Variants in FBP1 observed in about 807,000 individuals in gnomAD.
FBP1 encodes the protein fructose-1,6-bisphosphatase 1.
Under a neutral mutation model 29.9 loss-of-function variants are expected in FBP1, and 22 were observed. The ratio of observed to expected loss-of-function variants is 0.74; its 90% confidence interval spans 0.53 to 1.05. FBP1 has a LOEUF of 1.05. Ranked by LOEUF, FBP1 falls within the 50% of genes least tolerant of loss-of-function variation. The pLI, the probability that FBP1 is intolerant of heterozygous loss-of-function variation, is 0.00. For synonymous variants in FBP1, 175 were observed against 178.6 expected (o/e 0.98, Z 0.16); for missense variants, 345 against 448.2 (o/e 0.77, Z 2.08).
chr9:94,607,045 G>A (rs1329087621), intron 4 of FBP1, 93 bp from the exon 5 acceptor site: 2 of 1,561,932 alleles, frequency 1.3e-6, no homozygotes, highest in African/African-American at 2.7e-5. Context: ...GCTACGCTGG[G>A]CTGGGGTCGC....
intron 3 of FBP1, among the ~76,000 whole-genome samples, chr9:94,617,203 C>T (rs899588960): frequency 2.0e-5 from 3 of 152,148 alleles, no homozygotes; most frequent in African/African-American, 7.2e-5. Context: ...ATGAATGTGA[C>T]CAAATGCCAA....
chr9:94,603,358 C>T lies in FBP1; in HGVS notation c.*23G>A, dbSNP rs1827638463. 6.2e-7 allele frequency: 1 copy of T among 1,606,182 alleles called. No homozygotes were observed. The highest frequency in any genetic ancestry group is 1.3e-5 in the African/African-American group (1 of 74,828). Reference sequence around the variant, plus strand: ...AAAAGGTCCAGGTAGAGGCAATTCTCCGGATGCAGGCAGGGCAGGTGCTCA... The same window carrying T: ...AAAAGGTCCAGGTAGAGGCAATTCTTCGGATGCAGGCAGGGCAGGTGCTCA... On this transcript the variant is annotated 3_prime_UTR_variant, in exon 7 of 7. Transcript: ENST00000375326.
upstream of FBP1, chr9:94,640,133 G>A (rs1828263850): frequency 6.6e-6 from 1 of 152,228 alleles, no homozygotes; most frequent in Non-Finnish European, 1.5e-5. Flanking sequence ...GAATTTCCAA[G>A]ATGTGAGTCT....
At chr9:94,630,332 C>G (rs1041357371) in intron 1 of FBP1, among the ~76,000 whole-genome samples, 2 of 152,194 alleles carry the variant, frequency 1.3e-5, no homozygotes, top group African/African-American at 4.8e-5. Context: ...ACTCCCAACT[C>G]CTGAAAAAAA....
chr9:94,621,083 G>A (rs1030207283), intron 1 of FBP1, among the ~76,000 whole-genome samples: 1 of 151,870 alleles, frequency 6.6e-6, no homozygotes, highest in African/African-American at 2.4e-5. Context: ...GTGTGGTGGT[G>A]GGTGCCTGTA....
rs28369740 is a variant in FBP1 at position 94,608,933 on chromosome 9, G to A, written c.567+988C>T. Among the ~76,000 whole-genome samples the A allele has an allele frequency of 2.9e-3, 442 of 152,292 alleles. 3 individuals carry two copies. The highest frequency in any genetic ancestry group is 0.01 in the African/African-American group (425 of 41,562). Reference sequence around the variant, plus strand: ...TTAAAAAAGTTGGCCAGGCATGGTGGCTCATGCCTGTAATCCCAGCACTTT... The same window carrying A: ...TTAAAAAAGTTGGCCAGGCATGGTGACTCATGCCTGTAATCCCAGCACTTT... On this transcript the variant is annotated intron_variant, in intron 4 of 6. Coordinates refer to ENST00000375326, the MANE Select transcript of FBP1 (RefSeq NM_000507.4).
At chr9:94,611,316 T>G (rs1221647163) in intron 3 of FBP1, among the ~76,000 whole-genome samples, 2 of 152,216 alleles carry the variant, frequency 1.3e-5, no homozygotes, top group Non-Finnish European at 2.9e-5. Flanking sequence ...TTCCTGCAGC[T>G]GAGCGTAAGC....
intron 3 of FBP1, among the ~76,000 whole-genome samples, chr9:94,613,275 G>A (rs111877078): frequency 6.6e-6 from 1 of 152,140 alleles, no homozygotes; most frequent in East Asian, 1.9e-4. Flanking sequence ...TCAGCTTAAA[G>A]GGAAAAAAAG....
rs1827711538 is a variant in FBP1 at position 94,606,971 on chromosome 9, A to G, written c.568-19T>C. On this transcript the variant is annotated intron_variant, in intron 4 of 6. Transcript: ENST00000375326. ...CGATGGCCTTTTTAGACAAGGAAGG[A>G]AAGGTGGAGAGATGACGAGCGCACT... The G allele has an allele frequency of 6.2e-7, 1 of 1,613,966 alleles. No individual in the cohort carries two copies. Among genetic ancestry groups the G allele is most frequent in the Middle Eastern group, 1.7e-4 (1 of 6,060 alleles).
At chr9:94,622,814 G>A (rs1287275833) in intron 1 of FBP1, among the ~76,000 whole-genome samples, 1 of 152,132 alleles carries the variant, frequency 6.6e-6, no homozygotes, top group Non-Finnish European at 1.5e-5. Flanking sequence ...CCAATTGTGA[G>A]GCTGGGGCTT....
At chr9:94,635,017 A>T (rs1188876891) in intron 1 of FBP1, among the ~76,000 whole-genome samples, 1 of 137,816 alleles carries the variant, frequency 7.3e-6, no homozygotes, top group African/African-American at 2.8e-5. Context: ...TGAACCCGGG[A>T]GGCAGAGGTT....
intron 1 of FBP1, among the ~76,000 whole-genome samples, chr9:94,632,441 G>A (rs556289365): frequency 3.9e-5 from 6 of 152,290 alleles, no homozygotes; most frequent in South Asian, 4.2e-4. Context: ...AGGCTGAGGC[G>A]GGTGGATGAC....
At chr9:94,619,877 A>AAG (rs1827919808) in intron 2 of FBP1, among the ~76,000 whole-genome samples, 1 of 16,280 alleles carries the variant, frequency 6.1e-5, no homozygotes, top group South Asian at 2.0e-3. Context: ...ACTGTCTCAA[A>AAG]AAAAAAAAAA....
intron 3 of FBP1, among the ~76,000 whole-genome samples, chr9:94,611,407 A>G (rs1201208673): frequency 6.6e-6 from 1 of 152,162 alleles, no homozygotes; most frequent in African/African-American, 2.4e-5. Flanking sequence ...TAACTTTCAA[A>G]AGGGTGGCCC....
intron 6 of FBP1, among the ~76,000 whole-genome samples, chr9:94,605,229 G>C (rs28369762): frequency 1.3e-5 from 2 of 152,158 alleles, no homozygotes; most frequent in Non-Finnish European, 2.9e-5. Context: ...CGTCCTGACC[G>C]TTCATTCTCT....
intron 3 of FBP1, among the ~76,000 whole-genome samples, chr9:94,616,419 C>A (rs903023095): frequency 5.0e-5 from 4 of 79,392 alleles, no homozygotes; most frequent in Admixed American, 3.0e-4. Flanking sequence ...TTGTACCCCC[C>A]AAAGCTGTTA....
At chr9:94,607,029 G>T (rs1343275661) in intron 4 of FBP1, 77 bp from the exon 5 acceptor site, 8 of 1,596,036 alleles carry the variant, frequency 5.0e-6, no homozygotes, top group Non-Finnish European at 6.9e-6. Context: ...GCGAGCGATG[G>T]GCTGGGCTAC....
chr9:94,614,309 G>A lies in FBP1; in HGVS notation c.426+3459C>T, dbSNP rs373092698. On this transcript the variant is annotated intron_variant, in intron 3 of 6. Coordinates refer to ENST00000375326, the MANE Select transcript of FBP1 (RefSeq NM_000507.4). ...TAATTCCAGCACTTTGGGAGGCCGAGGTGGGCGGATCACGAGGTCAGGAGA... is the reference window on the plus strand; with the variant it reads ...TAATTCCAGCACTTTGGGAGGCCGAAGTGGGCGGATCACGAGGTCAGGAGA... 1.6e-4 allele frequency among the ~76,000 whole-genome samples: 24 copies of A among 151,638 alleles called. No homozygotes were observed. The East Asian group carries it at 4.3e-3, about 27-fold the overall frequency.
chr9:94,609,825 C>T, intron 4 of FBP1, 96 bp downstream of exon 4: 1 of 1,392,152 alleles, frequency 7.2e-7, no homozygotes, highest in Non-Finnish European at 1.0e-6. Context: ...TGGGCATCAC[C>T]TCCCACCTCC....
Sources: gnomAD v4.1 joint callset for allele counts (sites outside exome capture counted in the v4.1 genomes callset) on GRCh38, gnomAD v4.1.1 for gene constraint, MANE v1.5 for transcripts, NCBI Gene and HGNC (gene_info 2026-07-23, HGNC 2026-07-21) for gene names.